Variants in DIAPH2 observed in about 807,000 individuals in gnomAD.
The protein encoded by DIAPH2 is diaphanous related formin 2, also known as protein diaphanous homolog 2.
Under a neutral mutation model 92.7 loss-of-function variants are expected in DIAPH2, and 35 were observed. That is an observed-to-expected ratio of 0.38 (90% CI 0.29 to 0.50). The LOEUF (loss-of-function observed/expected upper bound fraction) is 0.50. Among genes scored for constraint, DIAPH2 ranks in the 20% least tolerant of loss-of-function variants. DIAPH2 has a pLI of 0.94. For synonymous variants in DIAPH2, 301 were observed against 280.4 expected (o/e 1.07, Z -0.73); for missense variants, 701 against 819.5 (o/e 0.86, Z 1.77).
At chrX:97,391,783 A>T in intron 25 of DIAPH2, among the ~76,000 whole-genome samples, 1 of 111,178 alleles carries the variant, frequency 9.0e-6, no homozygotes, top group East Asian at 2.8e-4. Flanking sequence ...ATATTTGAGG[A>T]TTTAATTATT....
chrX:96,892,937 T>A (rs16982233), intron 5 of DIAPH2, among the ~76,000 whole-genome samples: 3,533 of 111,578 alleles, frequency 0.032, 156 homozygotes, highest in African/African-American at 0.11. Flanking sequence ...GCACACTGAT[T>A]ATATGGATTT....
chrX:97,129,521 T>C (rs2067123320), intron 21 of DIAPH2, among the ~76,000 whole-genome samples: 1 of 111,369 alleles, frequency 9.0e-6, no homozygotes, highest in Non-Finnish European at 1.9e-5. Flanking sequence ...ATGGATTTCA[T>C]ATTTGGAATA....
intron 26 of DIAPH2, among the ~76,000 whole-genome samples, chrX:97,511,984 T>A (rs1289951287): frequency 8.8e-6 from 1 of 113,573 alleles, no homozygotes; most frequent in Non-Finnish European, 1.9e-5. Flanking sequence ...TTTGGTTGTG[T>A]CTCTGCCAGG....
intron 23 of DIAPH2, among the ~76,000 whole-genome samples, chrX:97,333,601 G>C (rs1301974777): frequency 9.3e-6 from 1 of 107,999 alleles, no homozygotes; most frequent in Non-Finnish European, 1.9e-5. Flanking sequence ...GTCTCACTCT[G>C]TCGCTCAGGC....
At chrX:97,200,416 G>A (rs745986763) in intron 22 of DIAPH2, among the ~76,000 whole-genome samples, 1 of 3,400 alleles carries the variant, frequency 2.9e-4, no homozygotes, top group East Asian at 0.016. Context: ...CCATTCCCAC[G>A]GAGCTCAGCA....
At chrX:97,449,549 G>A (rs2070341299) in intron 26 of DIAPH2, 2 of 236,183 alleles carry the variant, frequency 8.5e-6, no homozygotes, top group Non-Finnish European at 1.2e-5. Context: ...ATTATATTTT[G>A]TGAAACTACC....
At chrX:97,020,320 G>T (rs1316756799) in intron 17 of DIAPH2, among the ~76,000 whole-genome samples, 1 of 111,932 alleles carries the variant, frequency 8.9e-6, no homozygotes, top group Non-Finnish European at 1.9e-5. Flanking sequence ...ATGTGTGTGT[G>T]CATGTAGGTA....
chrX:97,191,158 G>A (rs925579649), intron 22 of DIAPH2, among the ~76,000 whole-genome samples: 1 of 109,588 alleles, frequency 9.1e-6, no homozygotes, highest in African/African-American at 3.3e-5. Context: ...GTGAAACCCT[G>A]TCGTTACTAA....
intron 5 of DIAPH2, chrX:96,884,155 T>C (rs900268387): frequency 1.0e-4 from 46 of 455,104 alleles, no homozygotes; most frequent in Non-Finnish European, 1.5e-4. Context: ...GTGACGCTTG[T>C]CACGTCCTCA....
intron 26 of DIAPH2, among the ~76,000 whole-genome samples, chrX:97,480,949 G>A (rs1478735490): frequency 3.6e-5 from 4 of 112,062 alleles, no homozygotes; most frequent in African/African-American, 1.3e-4. Flanking sequence ...AATAAACAAT[G>A]TGTAAATCAA....
intron 24 of DIAPH2, among the ~76,000 whole-genome samples, chrX:97,381,013 T>C (rs761122679): frequency 9.2e-4 from 103 of 111,856 alleles, no homozygotes; most frequent in Non-Finnish European, 1.6e-3. Context: ...TTGTTCTGTT[T>C]TATCCTTTAG....
intron 5 of DIAPH2, among the ~76,000 whole-genome samples, chrX:96,897,697 A>C (rs1345693012): frequency 9.0e-6 from 1 of 110,764 alleles, no homozygotes; most frequent in East Asian, 2.8e-4. Flanking sequence ...AACAATTAAA[A>C]AAAATTTTTT....
At chrX:97,403,635 G>A (rs1240356928) in intron 25 of DIAPH2, among the ~76,000 whole-genome samples, 1 of 111,365 alleles carries the variant, frequency 9.0e-6, no homozygotes, top group Non-Finnish European at 1.9e-5. Flanking sequence ...ATATCTTTGG[G>A]TCTGTTTGCA....
chrX:96,843,245 C>T (rs2064948790), intron 4 of DIAPH2, among the ~76,000 whole-genome samples: 1 of 111,688 alleles, frequency 9.0e-6, no homozygotes, highest in Admixed American at 9.6e-5. Flanking sequence ...TCGCCTTCCA[C>T]CATGATTGTA....
intron 23 of DIAPH2, among the ~76,000 whole-genome samples, chrX:97,256,156 G>A (rs2068234548): frequency 1.8e-5 from 2 of 112,205 alleles, no homozygotes; most frequent in African/African-American, 6.5e-5. Context: ...CTTTCTGTGG[G>A]ATTTATTCAT....
In DIAPH2 at chrX:96,902,664, G is replaced by C. The variant is rs750179357; in HGVS notation, c.588-9664G>C. 2.7e-5 allele frequency among the ~76,000 whole-genome samples: 3 copies of C among 110,943 alleles called. No individual in the cohort carries two copies. The South Asian group carries it at 1.1e-3, about 42-fold the overall frequency. On this transcript the variant is annotated intron_variant, in intron 5 of 26. Coordinates refer to ENST00000324765, the MANE Select transcript of DIAPH2 (RefSeq NM_006729.5). ...GTATAAATATATACCGTTTTTATTT[G>C]TCAATAAAAATAAATATAAATTTAA...
At chrX:97,300,798 G>A (rs1363710262) in intron 23 of DIAPH2, among the ~76,000 whole-genome samples, 3 of 98,504 alleles carry the variant, frequency 3.0e-5, no homozygotes, top group African/African-American at 7.2e-5. Flanking sequence ...CGGGCATGGT[G>A]GCGGGCGCCT....
chrX:96,812,115 C>G (rs986119285), intron 4 of DIAPH2, among the ~76,000 whole-genome samples: 36 of 111,587 alleles, frequency 3.2e-4, no homozygotes, highest in African/African-American at 1.2e-3. Context: ...CTCCTTGTAC[C>G]TCTGGTAGAA....
Position 97,270,655 on chromosome X carries a change from A to G in DIAPH2, c.2844+22816A>G, listed in dbSNP as rs1347854110. 2.7e-5 allele frequency among the ~76,000 whole-genome samples: 3 copies of G among 111,629 alleles called. No individual in the cohort carries two copies. In the South Asian group the frequency reaches 1.1e-3, roughly 42 times the overall value. Reference sequence around the variant, plus strand: ...GACAAGGACTTAACCAGCTCTTGAAACAGCTGACTACATTTTTGGACAGTT... The same window carrying G: ...GACAAGGACTTAACCAGCTCTTGAAGCAGCTGACTACATTTTTGGACAGTT... On this transcript the variant is annotated intron_variant, in intron 23 of 26. Coordinates refer to ENST00000324765, the MANE Select transcript of DIAPH2 (RefSeq NM_006729.5).
Sources: gnomAD v4.1 joint callset for allele counts (sites outside exome capture counted in the v4.1 genomes callset) on GRCh38, gnomAD v4.1.1 for gene constraint, MANE v1.5 for transcripts, NCBI Gene and HGNC (gene_info 2026-07-23, HGNC 2026-07-21) for gene names.